The following SUCLG1 variants were observed in gnomAD, a reference collection of about 807,000 sequenced individuals.
SUCLG1 encodes succinate--CoA ligase [ADP/GDP-forming] subunit alpha, mitochondrial.
Under a neutral mutation model 37.3 loss-of-function variants are expected in SUCLG1, and 26 were observed. The observed-to-expected ratio is 0.70, with a 90% CI of 0.51 to 0.97. The LOEUF is 0.97. Among genes scored for constraint, SUCLG1 ranks in the 50% least tolerant of loss-of-function variants. SUCLG1 has a pLI of 0.00. For missense variants in SUCLG1, 433 were observed against 432.9 expected (o/e 1.00, Z 0.00); for synonymous variants, 163 against 155.6 (o/e 1.05, Z -0.36).
At chr2:84,429,638 G>A (rs1283544315) in intron 7 of SUCLG1, among the ~76,000 whole-genome samples, 1 of 152,100 alleles carries the variant, frequency 6.6e-6, no homozygotes, top group Non-Finnish European at 1.5e-5. Flanking sequence ...ATGTCAGATG[G>A]AAAACTGATC....
At chr2:84,440,167 G>A (rs977382869) in intron 5 of SUCLG1, among the ~76,000 whole-genome samples, 3 of 152,182 alleles carry the variant, frequency 2.0e-5, no homozygotes, top group Non-Finnish European at 4.4e-5. Context: ...CTGAGGTCGG[G>A]AGTTCGAGGC....
intron 5 of SUCLG1, among the ~76,000 whole-genome samples, chr2:84,437,540 C>G (rs765418525): frequency 6.6e-6 from 1 of 152,200 alleles, no homozygotes; most frequent in Non-Finnish European, 1.5e-5. Flanking sequence ...AGTGACACCA[C>G]CAAATGCTGG....
intron 2 of SUCLG1, among the ~76,000 whole-genome samples, chr2:84,448,174 A>AAAAC (rs1672879002): frequency 6.6e-6 from 1 of 150,518 alleles, no homozygotes; most frequent in Non-Finnish European, 1.5e-5. Flanking sequence ...ATTTCAGAAA[A>AAAAC]AAAAAAAAAC....
At chr2:84,453,707 A>G (rs1672978345) in intron 1 of SUCLG1, among the ~76,000 whole-genome samples, 1 of 152,206 alleles carries the variant, frequency 6.6e-6, no homozygotes. Context: ...AGGAGCCACC[A>G]TGCCCAGCCG....
intron 1 of SUCLG1, among the ~76,000 whole-genome samples, chr2:84,456,271 A>G (rs1220438623): frequency 6.6e-6 from 1 of 152,212 alleles, no homozygotes; most frequent in Non-Finnish European, 1.5e-5. Context: ...AGCTTAAGTT[A>G]TCACATGGTA....
At chr2:84,458,572 A>C (rs1411121751) in intron 1 of SUCLG1, 1 of 152,238 alleles carries the variant, frequency 6.6e-6, no homozygotes, top group Non-Finnish European at 1.5e-5. Context: ...CGCCTGGTGG[A>C]GACACTGCAA....
At chr2:84,438,693 G>A (rs1672724919) in intron 5 of SUCLG1, among the ~76,000 whole-genome samples, 1 of 152,182 alleles carries the variant, frequency 6.6e-6, no homozygotes. Flanking sequence ...TGTTGAAAGT[G>A]AAGCCAGCTG....
chr2:84,438,310 G>A (rs1672717820), intron 5 of SUCLG1, among the ~76,000 whole-genome samples: 1 of 152,142 alleles, frequency 6.6e-6, no homozygotes. Context: ...GGCCAGAAGA[G>A]TCAAGTATGT....
rs573906290 is a variant in SUCLG1 at position 84,438,744 on chromosome 2, C to A, written c.589+2303G>T. Reference sequence around the variant, plus strand: ...GTGGGGACTTGGAGAAATTTTCTGTCTTACAAGAGGATTATAAAATGCACC... The same window carrying A: ...GTGGGGACTTGGAGAAATTTTCTGTATTACAAGAGGATTATAAAATGCACC... On this transcript the variant is annotated intron_variant, in intron 5 of 8. Transcript: ENST00000393868. 1.3e-4 allele frequency among the ~76,000 whole-genome samples: 20 copies of A among 152,312 alleles called. 1 individual carries two copies. Among genetic ancestry groups the A allele is most frequent in the Middle Eastern group, 3.4e-3 (1 of 294 alleles).
chr2:84,445,285 C>G lies in SUCLG1; in HGVS notation c.202-1885G>C, dbSNP rs1374941262. 3.3e-5 allele frequency among the ~76,000 whole-genome samples: 5 copies of G among 152,160 alleles called. No individual in the cohort carries two copies. The East Asian group carries it at 9.6e-4, about 29-fold the overall frequency. On this transcript the variant is annotated intron_variant, in intron 2 of 8. Coordinates refer to ENST00000393868, the MANE Select transcript of SUCLG1 (RefSeq NM_003849.4). ...TCTTCTGCCGTGGCTTCAGCCGGTC[C>G]CTCCGTTCAGGGTTCCTGACTTCCC...
At chr2:84,440,494 T>C (rs1399805640) in intron 5 of SUCLG1, among the ~76,000 whole-genome samples, 1 of 152,260 alleles carries the variant, frequency 6.6e-6, no homozygotes, top group Non-Finnish European at 1.5e-5. Flanking sequence ...TGGCAGTTTC[T>C]TATAAAGTTA....
In SUCLG1 at chr2:84,433,138, T is replaced by G. The variant is rs199503761; in HGVS notation, c.673+214A>C. 94 of 607,622 alleles carry G rather than the reference T, an allele frequency of 1.5e-4. 1 individual carries two copies. The East Asian group carries it at 2.7e-3, about 17-fold the overall frequency. 37.6% of individuals were successfully genotyped at this position (607,622 alleles called of 1,614,324 possible). The stretch of plus-strand genomic sequence containing the variant: ...TTCGGGAGCCACGTGTTCCAAGATG[T>G]TAGTTCTTCAACCTAGAAATGAAAT... On this transcript the variant is annotated intron_variant, in intron 6 of 8. Coordinates refer to ENST00000393868, the MANE Select transcript of SUCLG1 (RefSeq NM_003849.4).
chr2:84,440,783 A>G (rs1287146773), intron 5 of SUCLG1, among the ~76,000 whole-genome samples: 1 of 152,112 alleles, frequency 6.6e-6, no homozygotes. Flanking sequence ...CACATGGAGT[A>G]ATCCACAGAG....
rs1672764476 is a variant in SUCLG1, at chr2:84,441,095, A to G, written c.541T>C (p.Cys181Arg). 1 of 1,614,014 alleles carries G rather than the reference A, an allele frequency of 6.2e-7. No homozygotes were observed. Among genetic ancestry groups the G allele is most frequent in the African/African-American group, 1.3e-5 (1 of 74,926 alleles). The part of the protein sequence containing the change: ...NCPGVINPGE[C>R]KIGIMPGHIH... Reference sequence around the variant, plus strand: ...TGGCCAGGCATGATGCCAATTTTACATTCTCCAGGCTGAAAGTAATCATAG... The same window carrying G: ...TGGCCAGGCATGATGCCAATTTTACGTTCTCCAGGCTGAAAGTAATCATAG... Residue 181 changes from cysteine to arginine, a missense_variant, in exon 5 of 9, where the codon TGT becomes CGT. By Grantham distance (180) the Cys-to-Arg change is radical. Transcript: ENST00000393868.
At position 84,449,771 on chromosome 2, in the gene SUCLG1, A is replaced by C. The variant is rs1203068688; in HGVS notation, c.98-19T>G. ...TGCGGCACTAAGAGGTTAAAAAAAA[A>C]AAAAAAAAAAAAAAAAGACACATTA... On this transcript the variant is annotated intron_variant, in intron 1 of 8. Transcript: ENST00000393868. The C allele has an allele frequency of 6.5e-5, 89 of 1,358,970 alleles. No homozygotes were observed. Among genetic ancestry groups the C allele is most frequent in the Non-Finnish European group, 7.9e-5 (78 of 984,084 alleles). 84.2% of individuals were successfully genotyped at this position (1,358,970 alleles called of 1,614,324 possible). A position where few individuals can be genotyped will look rare whatever the true frequency, so the allele number is the denominator to read the frequency against.
intron 1 of SUCLG1, among the ~76,000 whole-genome samples, chr2:84,452,757 T>C (rs1402770963): frequency 6.6e-6 from 1 of 152,212 alleles, no homozygotes; most frequent in South Asian, 2.1e-4. Context: ...GTCAGGACCA[T>C]GTCTTACTCA....
In SUCLG1 at chr2:84,431,525, A is replaced by G. The variant is rs1337050630; in HGVS notation, c.808T>C (p.Leu270=). The change falls in exon 7 of 9, where the codon TTG becomes CTG. Residue 270 remains leucine, a synonymous_variant. Transcript: ENST00000393868. ...AAACTTACTGAATTATGTTGCTTCA[A>G]AAATTCTGCAGCATTCTCTTCTGCA... ...GNAEENAAEF[L]KQHNSGPNSK... 1 of 1,614,050 alleles carries G rather than the reference A, an allele frequency of 6.2e-7. No homozygotes were observed. The highest frequency in any genetic ancestry group is 8.5e-7 in the Non-Finnish European group (1 of 1,179,912).
chr2:84,456,966 T>C (rs1466686804), intron 1 of SUCLG1, among the ~76,000 whole-genome samples: 1 of 152,098 alleles, frequency 6.6e-6, no homozygotes, highest in East Asian at 1.9e-4. Flanking sequence ...CAGGCCACTT[T>C]TCCTTTTTTC....
At chr2:84,425,745 A>G (rs191978742) in intron 7 of SUCLG1, 142 bp from the exon 8 acceptor site, 170 of 888,082 alleles carry the variant, frequency 1.9e-4, no homozygotes, top group Admixed American at 1.8e-3. Context: ...CAACACAAAT[A>G]TTAAACCATG....
Sources: allele counts gnomAD v4.1 joint callset (sites outside exome capture counted in the v4.1 genomes callset), GRCh38; gene constraint gnomAD v4.1.1; transcripts MANE v1.5; gene names NCBI Gene and HGNC (gene_info 2026-07-23, HGNC 2026-07-21).